The following EML4 variants were observed in gnomAD, a reference collection of about 807,000 sequenced individuals.
EML4 encodes the protein EMAP like 4.
In EML4, 72 loss-of-function variants were observed where a neutral mutation model predicts 129.0. That is an observed-to-expected ratio of 0.56 (90% CI 0.46 to 0.68). EML4 has a LOEUF of 0.68. Among genes scored for constraint, EML4 ranks in the 30% least tolerant of loss-of-function variants. The pLI, the probability that EML4 is intolerant of heterozygous loss-of-function variation, is 0.00. For missense variants in EML4, 1,363 were observed against 1,190.6 expected (o/e 1.14, Z -2.13); for synonymous variants, 532 against 405.0 (o/e 1.31, Z -3.77).
intron 17 of EML4, among the ~76,000 whole-genome samples, chr2:42,308,959 C>G (rs936108501): frequency 6.6e-6 from 1 of 152,142 alleles, no homozygotes; most frequent in Non-Finnish European, 1.5e-5. Flanking sequence ...GATATACCAC[C>G]TTCATCAACT....
intron 6 of EML4, 181 bp downstream of exon 6, chr2:42,264,912 C>G (rs760229294): frequency 1.3e-6 from 2 of 1,550,108 alleles, no homozygotes; most frequent in Admixed American, 2.0e-5. Flanking sequence ...ATTTTTGTCT[C>G]AACCAGCAAA....
At chr2:42,286,427 G>C in intron 10 of EML4, 48 bp downstream of exon 10, 1 of 1,173,788 alleles carries the variant, frequency 8.5e-7, no homozygotes, top group South Asian at 1.2e-5. Context: ...AAAAAAGCAG[G>C]AAAGAAGTTA....
At chr2:42,302,493 C>T (rs1043522255) in intron 14 of EML4, among the ~76,000 whole-genome samples, 1 of 151,792 alleles carries the variant, frequency 6.6e-6, no homozygotes, top group Non-Finnish European at 1.5e-5. Context: ...AAAACCCGAC[C>T]ACATTCTTCA....
intron 1 of EML4, among the ~76,000 whole-genome samples, chr2:42,186,940 C>T (rs2103875165): frequency 6.6e-6 from 1 of 151,960 alleles, no homozygotes; most frequent in African/African-American, 2.4e-5. Context: ...TTCTCTCATG[C>T]CTCTTTGTAG....
rs143674261 is a variant in EML4, at chr2:42,174,366, C to G, written c.25+4730C>G. ...AGTACAATGGCACGATCTCAGCTCA[C>G]TGCAACCTCTGCCTCCTGGGTTCAA... is the stretch of plus-strand genomic sequence containing the variant. On this transcript the variant is annotated intron_variant, in intron 1 of 22. Coordinates refer to ENST00000318522, the MANE Select transcript of EML4 (RefSeq NM_019063.5). Among the ~76,000 whole-genome samples, 158 of 152,250 alleles carry G rather than the reference C, an allele frequency of 1.0e-3. 2 individuals are homozygous for G. In the East Asian group the frequency reaches 0.024, roughly 23 times the overall value.
intron 1 of EML4, among the ~76,000 whole-genome samples, chr2:42,185,730 A>G (rs1671209946): frequency 6.6e-6 from 1 of 152,166 alleles, no homozygotes; most frequent in Non-Finnish European, 1.5e-5. Flanking sequence ...GGAAACCACT[A>G]AAGGACATGT....
At chr2:42,215,637 T>C (rs1432952693) in intron 1 of EML4, among the ~76,000 whole-genome samples, 1 of 152,176 alleles carries the variant, frequency 6.6e-6, no homozygotes, top group Non-Finnish European at 1.5e-5. Flanking sequence ...TTACCATATA[T>C]CTATCTGTTA....
rs557511503 is a variant in EML4 at position 42,186,457 on chromosome 2, A to G, written c.25+16821A>G. ...GAAAAACAACAGATAAGATAAAGAC[A>G]CATTCCTAAGAAATGTATGAGAAAG... On this transcript the variant is annotated intron_variant, in intron 1 of 22. Transcript: ENST00000318522. Among the ~76,000 whole-genome samples, 74 of 152,350 alleles carry G rather than the reference A, an allele frequency of 4.9e-4. 1 individual carries two copies. In the South Asian group the frequency reaches 0.015, roughly 31 times the overall value.
chr2:42,256,713 A>G, intron 3 of EML4, 83 bp downstream of exon 3: 1 of 1,514,956 alleles, frequency 6.6e-7, no homozygotes, highest in Non-Finnish European at 9.0e-7. Context: ...AAGAATATGA[A>G]ATAGAGCTGT....
intron 1 of EML4, among the ~76,000 whole-genome samples, chr2:42,219,008 T>C (rs1367968596): frequency 2.6e-5 from 4 of 152,202 alleles, no homozygotes; most frequent in African/African-American, 9.6e-5. Context: ...TAACTAATGC[T>C]TGTTATGCGT....
intron 1 of EML4, among the ~76,000 whole-genome samples, chr2:42,170,780 A>G (rs1006415027): frequency 6.6e-6 from 1 of 152,158 alleles, no homozygotes; most frequent in Non-Finnish European, 1.5e-5. Context: ...TTTCTTTTAC[A>G]TTTCTTGATA....
chr2:42,301,517 C>G (rs746501798), intron 14 of EML4, 125 bp downstream of exon 14: 26 of 733,148 alleles, frequency 3.5e-5, no homozygotes, highest in Non-Finnish European at 5.0e-5. Context: ...TTCCTTTCCT[C>G]AAGAAAGGAG....
At chr2:42,179,286 A>G (rs1447997450) in intron 1 of EML4, among the ~76,000 whole-genome samples, 3 of 145,540 alleles carry the variant, frequency 2.1e-5, no homozygotes, top group East Asian at 2.0e-4. Flanking sequence ...TTTTAATATT[A>G]TAAAGACAAA....
At chr2:42,268,898 T>G (rs1427349550) in intron 6 of EML4, among the ~76,000 whole-genome samples, 2 of 152,212 alleles carry the variant, frequency 1.3e-5, no homozygotes, top group Non-Finnish European at 2.9e-5. Context: ...AACACATAAT[T>G]ACCTGGTCAT....
At chr2:42,197,552 A>G (rs1572524731) in intron 1 of EML4, among the ~76,000 whole-genome samples, 2 of 152,294 alleles carry the variant, frequency 1.3e-5, no homozygotes, top group Non-Finnish European at 1.5e-5. Context: ...AGTAAATCCA[A>G]AACAATAGTC....
chr2:42,210,938 A>G (rs1436193900), intron 1 of EML4, among the ~76,000 whole-genome samples: 1 of 152,200 alleles, frequency 6.6e-6, no homozygotes, highest in African/African-American at 2.4e-5. Context: ...TACCTTAAAA[A>G]TTGGTTATGT....
chr2:42,187,768 C>G (rs750193834), intron 1 of EML4, among the ~76,000 whole-genome samples: 2 of 151,986 alleles, frequency 1.3e-5, no homozygotes, highest in Non-Finnish European at 2.9e-5. Flanking sequence ...ATATTTTCTC[C>G]CAGTCTGTGG....
intron 1 of EML4, among the ~76,000 whole-genome samples, chr2:42,202,837 G>C (rs1440460314): frequency 6.6e-6 from 1 of 151,970 alleles, no homozygotes; most frequent in African/African-American, 2.4e-5. Flanking sequence ...CATCACACCT[G>C]GGCAACGTAG....
chr2:42,302,915 A>G (rs532430160), intron 14 of EML4, among the ~76,000 whole-genome samples, 189 bp from the exon 15 acceptor site: 1 of 152,316 alleles, frequency 6.6e-6, no homozygotes, highest in South Asian at 2.1e-4. Context: ...GAATGTTGAT[A>G]ATTATTATAA....
Sources: allele counts gnomAD v4.1 joint callset (sites outside exome capture counted in the v4.1 genomes callset), GRCh38; gene constraint gnomAD v4.1.1; transcripts MANE v1.5; gene names NCBI Gene and HGNC (gene_info 2026-07-23, HGNC 2026-07-21).